The following KIRREL2 variants were observed in gnomAD, a reference collection of about 807,000 sequenced individuals.
KIRREL2 encodes kin of IRRE-like protein 2.
Under a neutral mutation model 73.4 loss-of-function variants are expected in KIRREL2, and 56 were observed. That is an observed-to-expected ratio of 0.76 (90% confidence interval 0.62 to 0.95). The LOEUF (loss-of-function observed/expected upper bound fraction) is 0.95, where lower values mean the gene tolerates loss of function less well. Ranked by LOEUF, KIRREL2 falls within the 40% of genes least tolerant of loss-of-function variation. KIRREL2 has a pLI of 0.00. For missense variants in KIRREL2, 896 were observed against 935.0 expected, an observed-to-expected ratio of 0.96 and a Z score of 0.54; for synonymous variants, 407 against 404.0, an observed-to-expected ratio of 1.01 and a Z score of -0.09.
chr19:35,856,402 G>A (rs1266134608), upstream of KIRREL2, among the ~76,000 whole-genome samples: 1 of 152,232 alleles, frequency 6.6e-6, no homozygotes, highest in Admixed American at 6.5e-5. This position sits in a 1 kb window ranked among gnomAD's most constrained non-coding sequence, Gnocchi z 5.9. Flanking sequence ...AATAACAAGG[G>A]AACAGAGGGA....
chr19:35,856,809 T>G (rs951690779), upstream of KIRREL2: 3 of 452,442 alleles, frequency 6.6e-6, no homozygotes, highest in African/African-American at 2.1e-5. This position sits in a 1 kb window ranked among gnomAD's most constrained non-coding sequence, Gnocchi z 5.9. Flanking sequence ...CCCCCATTCA[T>G]CCGCGTCTCA....
Position 35,861,935 on chromosome 19 carries a change from C to T in KIRREL2, c.1421C>T (p.Thr474Ile). The change falls in exon 11 of 15, where the codon ACC becomes ATC. Residue 474 changes from threonine (T) to isoleucine (I), a missense_variant. Coordinates refer to ENST00000360202, the MANE Select transcript of KIRREL2 (RefSeq NM_199180.4). Reference sequence around the variant, plus strand: ...ATCTCTGTGCTACACATTTCGGGGACCCAGGAGTCTGACTTTAGCAGGAGC... The same window carrying T: ...ATCTCTGTGCTACACATTTCGGGGATCCAGGAGTCTGACTTTAGCAGGAGC... ...GLISVLHISG[T>I]QESDFSRSFN... is the part of the protein sequence containing the mutation. 1 of 1,612,924 alleles carries T rather than the reference C, an allele frequency of 6.2e-7. No individual in the cohort carries two copies. Among genetic ancestry groups the T allele is most frequent in the Non-Finnish European group, 8.5e-7 (1 of 1,179,610 alleles).
upstream of KIRREL2, chr19:35,851,751 G>A (rs772288321): frequency 2.1e-5 from 32 of 1,556,332 alleles, no homozygotes; most frequent in South Asian, 4.7e-5. Context: ...GCCACTTGGC[G>A]CTGGGTACAA....
upstream of KIRREL2, among the ~76,000 whole-genome samples, chr19:35,855,289 G>A (rs1373389366): frequency 3.3e-5 from 5 of 151,952 alleles, no homozygotes; most frequent in African/African-American, 7.3e-5. Context: ...CCCTTGCTGG[G>A]GCCTTTAATA....
rs1376063187 is a variant in KIRREL2, at chr19:35,860,999, T to C, written c.1019T>C (p.Leu340Pro). The change falls in exon 8 of 15, where the codon CTT becomes CCT. Residue 340 changes from leucine (L) to proline (P), a missense_variant. Coordinates refer to ENST00000360202, the MANE Select transcript of KIRREL2 (RefSeq NM_199180.4). Reference sequence around the variant, plus strand: ...AGCTGCGCCTGGCGCGGGAACCCGCTTCCACGGGTAACCTGGACCCGCCGC... The same window carrying C: ...AGCTGCGCCTGGCGCGGGAACCCGCCTCCACGGGTAACCTGGACCCGCCGC... ...SFSCAWRGNP[L>P]PRVTWTRRGG... The C allele has an allele frequency of 3.1e-6, 5 of 1,612,822 alleles. No individual in the cohort carries two copies. In the East Asian group the frequency reaches 1.1e-4, roughly 36 times the overall value.
rs1296329377 is a variant in KIRREL2, at chr19:35,862,552, A to G, written c.1570A>G (p.Met524Val). 3 of 1,610,154 alleles carry G rather than the reference A, an allele frequency of 1.9e-6. No individual in the cohort carries two copies. The highest frequency in any genetic ancestry group is 2.5e-6 in the Non-Finnish European group (3 of 1,179,922). ...GVAAATTTLL[M>V]VITGVALCCW... ...GGCCGCTGCCACCACAACTCTCCTT[A>G]TGGTCATCACTGGGGTGGCCCTCTG... Residue 524 changes from methionine to valine, a missense_variant, in exon 12 of 15, where the codon ATG becomes GTG. Transcript: ENST00000360202.
At chr19:35,859,031 G>T (rs2146855324) in intron 4 of KIRREL2, among the ~76,000 whole-genome samples, 167 bp downstream of exon 4, 1 of 152,286 alleles carries the variant, frequency 6.6e-6, no homozygotes, top group South Asian at 2.1e-4. Context: ...AGACTACCTG[G>T]GTTCAAATTA....
upstream of KIRREL2, chr19:35,851,475 C>G: frequency 6.2e-7 from 1 of 1,613,592 alleles, no homozygotes; most frequent in Non-Finnish European, 8.5e-7. Flanking sequence ...GGGTCCCCTT[C>G]CAGGCGGTAC....
chr19:35,864,808 T>C (rs1165113507), intron 14 of KIRREL2, 95 bp downstream of exon 14: 10 of 949,434 alleles, frequency 1.1e-5, no homozygotes, highest in Non-Finnish European at 1.5e-5. Context: ...TGTCCCCTCC[T>C]TTTTCCTTCT....
chr19:35,864,057 G>T (rs1303227585), intron 13 of KIRREL2, among the ~76,000 whole-genome samples: 1 of 152,054 alleles, frequency 6.6e-6, no homozygotes, highest in African/African-American at 2.4e-5. Context: ...TTACAGGCGT[G>T]AGCCACCGCG....
chr19:35,857,131 G>A lies in KIRREL2; in HGVS notation c.12G>A (p.Met4Ile), dbSNP rs369893797. 31 of 1,613,696 alleles carry A rather than the reference G, an allele frequency of 1.9e-5. No individual in the cohort carries two copies. The African/African-American group carries it at 4.1e-4, about 22-fold the overall frequency. Residue 4 changes from methionine to isoleucine, a missense_variant, in exon 1 of 15, where the codon ATG becomes ATA. By Grantham distance (10) the Met-to-Ile change is conservative. Coordinates refer to ENST00000360202, the MANE Select transcript of KIRREL2 (RefSeq NM_199180.4). MLR[M>I]RVPALLVLLF... ...ACCTTGGGGGACGAATGCTCAGGAT[G>A]CGGGTCCCCGCCCTCCTCGTCCTCC...
At chr19:35,864,112 G>A (rs1348042190) in intron 13 of KIRREL2, among the ~76,000 whole-genome samples, 1 of 151,816 alleles carries the variant, frequency 6.6e-6, no homozygotes, top group Non-Finnish European at 1.5e-5. Context: ...ACACCCAAAT[G>A]TCACCCAAGT....
At chr19:35,857,692 A>C (rs887934183) in intron 2 of KIRREL2, among the ~76,000 whole-genome samples, 198 bp downstream of exon 2, 1 of 152,132 alleles carries the variant, frequency 6.6e-6, no homozygotes, top group Admixed American at 6.5e-5. Flanking sequence ...TTATTGCAAA[A>C]TAGTACATAG....
At chr19:35,862,872 C>A in intron 12 of KIRREL2, 55 bp from the exon 13 acceptor site, 1 of 1,062,550 alleles carries the variant, frequency 9.4e-7, no homozygotes, top group South Asian at 1.4e-5. Context: ...GCTTATTGGT[C>A]TGCACACATT....
In KIRREL2 at chr19:35,857,190, G is replaced by A. The variant is rs1309397123; in HGVS notation, c.61+10G>A. The A allele has an allele frequency of 3.1e-6, 5 of 1,610,774 alleles. No homozygotes were observed. Among genetic ancestry groups the A allele is most frequent in the Non-Finnish European group, 4.2e-6 (5 of 1,178,066 alleles). On this transcript the variant is annotated intron_variant, in intron 1 of 14. Coordinates refer to ENST00000360202, the MANE Select transcript of KIRREL2 (RefSeq NM_199180.4). ...TTCAGAGGGAGAGCAGGTACCGCAC[G>A]AGGGGAGCGGAGGAATATGGGGTGG...
intron 13 of KIRREL2, 81 bp from the exon 14 acceptor site, chr19:35,864,567 G>T (rs1568468853): frequency 2.6e-6 from 3 of 1,155,218 alleles, no homozygotes; most frequent in Admixed American, 1.7e-5. Context: ...GCCTCCACTG[G>T]CTGGCTGAAG....
chr19:35,861,571 C>A lies in KIRREL2; in HGVS notation c.1220C>A (p.Ala407Glu), dbSNP rs1295092433. 1.9e-6 allele frequency: 3 copies of A among 1,613,796 alleles called. No individual in the cohort carries two copies. Among genetic ancestry groups the A allele is most frequent in the Admixed American group, 1.7e-5 (1 of 59,906 alleles). Residue 407 changes from alanine to glutamate, a missense_variant, in exon 10 of 15, where the codon GCG becomes GAG. Transcript: ENST00000360202. ...CCAGTAGTGACCGCCCTGCACTCTG[C>A]GCCTGCCTTCCTGAGGGGCCCTGCT... ...APPVVTALHS[A>E]PAFLRGPARL...
chr19:35,852,025 C>G (rs1039281942), upstream of KIRREL2, among the ~76,000 whole-genome samples: 3 of 151,984 alleles, frequency 2.0e-5, no homozygotes, highest in African/African-American at 4.8e-5. Flanking sequence ...CTGTCTTGCT[C>G]TCAGTCTCAA....
upstream of KIRREL2, among the ~76,000 whole-genome samples, chr19:35,853,591 C>T (rs1325189263): frequency 6.6e-6 from 1 of 151,976 alleles, no homozygotes; most frequent in Non-Finnish European, 1.5e-5. Flanking sequence ...GCAGCCTCAA[C>T]TTCCTGGGCT....
Sources: allele counts gnomAD v4.1 joint callset (sites outside exome capture counted in the v4.1 genomes callset), GRCh38; gene constraint gnomAD v4.1.1; non-coding constraint Gnocchi (gnomAD v3.1); transcripts MANE v1.5; gene names NCBI Gene and HGNC (gene_info 2026-07-23, HGNC 2026-07-21).